ELP3: variants seen among roughly 807,000 people sequenced by gnomAD.
The protein encoded by ELP3 is elongator complex protein 3.
In ELP3, 56 loss-of-function variants were observed where a neutral mutation model predicts 74.9. The ratio of observed to expected loss-of-function variants is 0.75; its 90% CI spans 0.60 to 0.93. ELP3 has a LOEUF of 0.93. Ranked by LOEUF, ELP3 falls within the 40% of genes least tolerant of loss-of-function variation. ELP3 has a pLI of 0.00. For synonymous variants in ELP3, 222 were observed against 239.8 expected, an observed-to-expected ratio of 0.93 and a Z score of 0.68; for missense variants, 573 against 686.5, an observed-to-expected ratio of 0.83 and a Z score of 1.85.
chr8:28,096,643 C>T (rs1811264565), intron 1 of ELP3, among the ~76,000 whole-genome samples: 1 of 152,254 alleles, frequency 6.6e-6, no homozygotes, highest in South Asian at 2.1e-4. Flanking sequence ...ACCGAGAGCC[C>T]CAGTTGCCAG....
In ELP3 at chr8:28,160,327, A is replaced by G. The variant is rs1814020816; in HGVS notation, c.1356A>G (p.Arg452=). 1.9e-6 allele frequency: 3 copies of G among 1,614,178 alleles called. No individual in the cohort carries two copies. Among genetic ancestry groups the G allele is most frequent in the Non-Finnish European group, 2.5e-6 (3 of 1,180,018 alleles). The stretch of plus-strand genomic sequence containing the variant: ...AAGACATTTTGATTGGCCTCCTACG[A>G]TTACGCAAGTGTTCAGAAGAAACTT... The part of the protein sequence containing the change: ...PDQDILIGLL[R]LRKCSEETFR... Residue 452 remains arginine, a synonymous_variant, in exon 13 of 15, where the codon CGA becomes CGG. Transcript: ENST00000256398.
intron 14 of ELP3, among the ~76,000 whole-genome samples, chr8:28,165,286 T>C (rs1162325906): frequency 6.6e-6 from 1 of 152,214 alleles, no homozygotes; most frequent in African/African-American, 2.4e-5. Flanking sequence ...ACCTTTTCTG[T>C]GCCATATTAA....
chr8:28,159,830 C>G (rs1813996749), intron 12 of ELP3, among the ~76,000 whole-genome samples: 1 of 152,090 alleles, frequency 6.6e-6, no homozygotes, highest in South Asian at 2.1e-4. Flanking sequence ...GAAGATGAAA[C>G]CCAAACCATT....
chr8:28,117,264 G>A (rs960692790), intron 7 of ELP3, among the ~76,000 whole-genome samples: 11 of 152,086 alleles, frequency 7.2e-5, no homozygotes, highest in Non-Finnish European at 4.4e-5. Flanking sequence ...TATCTAGTTT[G>A]ACATTTTCAT....
chr8:28,170,907 A>G (rs1563286471), intron 14 of ELP3, among the ~76,000 whole-genome samples: 1 of 151,634 alleles, frequency 6.6e-6, no homozygotes, highest in African/African-American at 2.4e-5. Flanking sequence ...CCTCTAATCT[A>G]TTTTCTGTCT....
At chr8:28,169,375 G>C (rs1814429956) in intron 14 of ELP3, among the ~76,000 whole-genome samples, 1 of 152,242 alleles carries the variant, frequency 6.6e-6, no homozygotes, top group Admixed American at 6.5e-5. Flanking sequence ...AGGGCATAGA[G>C]GGGATGGTTC....
At chr8:28,176,025 C>A (rs887003783) in intron 14 of ELP3, among the ~76,000 whole-genome samples, 2 of 152,006 alleles carry the variant, frequency 1.3e-5, no homozygotes, top group Non-Finnish European at 2.9e-5. Flanking sequence ...CCTTGTTGGC[C>A]AAGCTAGTCT....
chr8:28,093,102 A>C (rs1430445183), upstream of ELP3: 2 of 1,541,386 alleles, frequency 1.3e-6, no homozygotes, highest in Non-Finnish European at 1.8e-6. Context: ...TTTACGATAC[A>C]TTGACCGACA....
intron 14 of ELP3, among the ~76,000 whole-genome samples, chr8:28,178,838 C>G (rs1040411378): frequency 2.6e-5 from 4 of 152,160 alleles, no homozygotes; most frequent in African/African-American, 9.7e-5. Flanking sequence ...AATTTGCGTT[C>G]CCTGATAACT....
chr8:28,170,662 C>G (rs1319420363), intron 14 of ELP3, among the ~76,000 whole-genome samples: 1 of 152,076 alleles, frequency 6.6e-6, no homozygotes, highest in Non-Finnish European at 1.5e-5. Flanking sequence ...ACTTATTTTC[C>G]CCCTACAAAC....
At chr8:28,093,053 C>A, upstream of ELP3, 2 of 1,160,890 alleles carry the variant, frequency 1.7e-6, no homozygotes, top group South Asian at 1.3e-5. Context: ...CAACACGGGG[C>A]GGGGCGTGGC....
intron 8 of ELP3, 135 bp from the exon 9 acceptor site, chr8:28,132,143 A>G (rs1208571317): frequency 1.9e-5 from 17 of 885,184 alleles, no homozygotes; most frequent in Admixed American, 5.2e-5. Context: ...GATTTTGGTT[A>G]TGGAACTTCT....
chr8:28,120,884 C>T (rs775969083), intron 7 of ELP3, among the ~76,000 whole-genome samples: 7 of 152,182 alleles, frequency 4.6e-5, no homozygotes, highest in African/African-American at 1.4e-4. Flanking sequence ...TCTGTTTCAT[C>T]GATCTGTTTT....
intron 7 of ELP3, among the ~76,000 whole-genome samples, chr8:28,121,324 A>ATTT (rs1179833962): frequency 5.8e-5 from 8 of 137,290 alleles, no homozygotes; most frequent in African/African-American, 1.1e-4. Context: ...TATTATTATT[A>ATTT]TTTTTTTTTT....
At chr8:28,108,125 C>T (rs1349579664) in intron 5 of ELP3, 149 bp downstream of exon 5, 4 of 637,528 alleles carry the variant, frequency 6.3e-6, no homozygotes, top group African/African-American at 5.5e-5. Flanking sequence ...AAATATTTGC[C>T]AGTGTCTACT....
intron 11 of ELP3, among the ~76,000 whole-genome samples, chr8:28,157,690 G>A (rs2130541319): frequency 6.6e-6 from 1 of 152,128 alleles, no homozygotes; most frequent in South Asian, 2.1e-4. Flanking sequence ...AATGTTTATG[G>A]TTTGTTCTAT....
At chr8:28,100,706 A>G (rs1811444012) in intron 3 of ELP3, among the ~76,000 whole-genome samples, 1 of 152,246 alleles carries the variant, frequency 6.6e-6, no homozygotes, top group Admixed American at 6.5e-5. Context: ...ATTTTCAGAA[A>G]ATTAATTTGG....
intron 3 of ELP3, among the ~76,000 whole-genome samples, chr8:28,101,281 G>A (rs536801327): frequency 1.1e-4 from 16 of 152,076 alleles, no homozygotes; most frequent in Admixed American, 5.2e-4. Flanking sequence ...TTAGCCGGGC[G>A]TTGTGGCGGG....
chr8:28,137,982 T>G, intron 10 of ELP3, 91 bp downstream of exon 10: 1 of 1,214,904 alleles, frequency 8.2e-7, no homozygotes, highest in Non-Finnish European at 1.1e-6. Context: ...TTGAGGGTTT[T>G]GGATTTTTCT....
Sources: allele counts gnomAD v4.1 joint callset (sites outside exome capture counted in the v4.1 genomes callset), GRCh38; gene constraint gnomAD v4.1.1; transcripts MANE v1.5; gene names NCBI Gene and HGNC (gene_info 2026-07-23, HGNC 2026-07-21).